The following SLC4A10 variants were observed in gnomAD, a reference collection of about 807,000 sequenced individuals.
SLC4A10 encodes the protein solute carrier family 4 member 10.
In SLC4A10, 42 loss-of-function variants were observed where a neutral mutation model predicts 137.7. That is an observed-to-expected ratio of 0.30 (90% CI 0.24 to 0.39). The LOEUF (loss-of-function observed/expected upper bound fraction) is 0.39. Among genes scored for constraint, SLC4A10 ranks in the 10% least tolerant of loss-of-function variants. The pLI is 1.00. For synonymous variants in SLC4A10, 474 were observed against 464.1 expected, an observed-to-expected ratio of 1.02 and a Z score of -0.27; for missense variants, 925 against 1,355.0, an observed-to-expected ratio of 0.68 and a Z score of 4.98.
At chr2:161,905,058 T>A in intron 14 of SLC4A10, 149 bp downstream of exon 14, 1 of 707,654 alleles carries the variant, frequency 1.4e-6, no homozygotes. Flanking sequence ...ATCATGGGAA[T>A]AGAGGAAAAG....
intron 26 of SLC4A10, among the ~76,000 whole-genome samples, chr2:161,978,397 A>AAAAAG (rs1553652474): frequency 1.9e-4 from 28 of 150,378 alleles, no homozygotes; most frequent in Non-Finnish European, 3.0e-4. Flanking sequence ...AAAAAAAAAA[A>AAAAAG]AAAAGAAAAG....
intron 4 of SLC4A10, among the ~76,000 whole-genome samples, chr2:161,849,737 C>A (rs1015089699): frequency 3.3e-5 from 5 of 152,064 alleles, no homozygotes; most frequent in African/African-American, 1.2e-4. Flanking sequence ...AAACTTGCCT[C>A]CCAGGAATAA....
At position 161,659,066 on chromosome 2, in the gene SLC4A10, GA is replaced by G. The variant is rs201752321; in HGVS notation, c.48+34509del. Among the ~76,000 whole-genome samples, 45 of 149,932 alleles carry G rather than the reference GA, an allele frequency of 3.0e-4. 1 individual carries two copies. In the East Asian group the frequency reaches 6.1e-3, roughly 20 times the overall value. On this transcript the variant is annotated intron_variant, in intron 1 of 26. Transcript: ENST00000446997. Reference sequence around the variant, plus strand: ...CCCACTACTGGGTACATATCCAAAGGAAAAAAAAATCATTATATAAAAAAGG... The same window carrying G: ...CCCACTACTGGGTACATATCCAAAGGAAAAAAAATCATTATATAAAAAAGG...
intron 3 of SLC4A10, among the ~76,000 whole-genome samples, chr2:161,835,607 T>C (rs62187713): frequency 0.067 from 10,239 of 152,174 alleles, 452 homozygotes; most frequent in East Asian, 0.17. Context: ...ATTAGAAAAA[T>C]TGGTGAGAAA....
Position 161,983,174 on chromosome 2 carries a change from T to A in SLC4A10, c.*27-5T>A, listed in dbSNP as rs1700458269. On this transcript the variant is annotated splice_polypyrimidine_tract_variant and splice_region_variant and intron_variant, in intron 26 of 26. Coordinates refer to ENST00000446997, the MANE Select transcript of SLC4A10 (RefSeq NM_001178015.2). Reference sequence around the variant, plus strand: ...AATAAATGTGTCCTTTTTTTCCTTCTGTAGCATTGAAAGCCGAAAAGAGAA... The same window carrying A: ...AATAAATGTGTCCTTTTTTTCCTTCAGTAGCATTGAAAGCCGAAAAGAGAA... The A allele has an allele frequency of 6.5e-7, 1 of 1,536,634 alleles. No individual in the cohort carries two copies. The highest frequency in any genetic ancestry group is 2.0e-5 in the Admixed American group (1 of 50,980).
At chr2:161,756,228 T>G (rs2049629947) in intron 1 of SLC4A10, among the ~76,000 whole-genome samples, 1 of 152,184 alleles carries the variant, frequency 6.6e-6, no homozygotes, top group African/African-American at 2.4e-5. Flanking sequence ...TTTTCCAGTA[T>G]TTAATCTCTA....
chr2:161,960,800 G>T (rs1278894396), intron 21 of SLC4A10, among the ~76,000 whole-genome samples: 3 of 151,986 alleles, frequency 2.0e-5, no homozygotes, highest in East Asian at 3.9e-4. Flanking sequence ...GCCACCTGGA[G>T]CTGGAAGGGG....
chr2:161,627,319 T>C (rs1573959028), intron 1 of SLC4A10, among the ~76,000 whole-genome samples: 1 of 151,622 alleles, frequency 6.6e-6, no homozygotes, highest in Non-Finnish European at 1.5e-5. Context: ...ATAGTGGAGG[T>C]GGGAGGTGGC....
chr2:161,955,716 C>T (rs916779446), intron 19 of SLC4A10, among the ~76,000 whole-genome samples: 3 of 152,104 alleles, frequency 2.0e-5, no homozygotes, highest in African/African-American at 7.2e-5. Context: ...GACAAATATG[C>T]AACAAATACT....
At chr2:161,804,173 G>A (rs1047049087) in intron 2 of SLC4A10, among the ~76,000 whole-genome samples, 1 of 152,054 alleles carries the variant, frequency 6.6e-6, no homozygotes, top group Non-Finnish European at 1.5e-5. Context: ...GTATAATTAA[G>A]CATGGGGAAC....
intron 15 of SLC4A10, among the ~76,000 whole-genome samples, chr2:161,936,085 A>T (rs1691531769): frequency 6.6e-6 from 1 of 152,142 alleles, no homozygotes; most frequent in East Asian, 1.9e-4. Flanking sequence ...AGTGTATCAC[A>T]TTTATAGATT....
chr2:161,767,763 A>G (rs2051077172), intron 1 of SLC4A10, among the ~76,000 whole-genome samples: 1 of 151,998 alleles, frequency 6.6e-6, no homozygotes, highest in African/African-American at 2.4e-5. Context: ...ATGCTTCTCA[A>G]TGTCTCAACT....
intron 3 of SLC4A10, among the ~76,000 whole-genome samples, chr2:161,829,152 C>T (rs1194775184): frequency 6.6e-6 from 1 of 151,950 alleles, no homozygotes. Context: ...GTTTTTACAC[C>T]TCTTTACCCT....
chr2:161,666,595 A>G (rs1165082407), intron 1 of SLC4A10, among the ~76,000 whole-genome samples: 1 of 151,790 alleles, frequency 6.6e-6, no homozygotes, highest in Non-Finnish European at 1.5e-5. Context: ...ACCTCTAGAT[A>G]CATCTGACAC....
intron 1 of SLC4A10, among the ~76,000 whole-genome samples, chr2:161,735,002 G>C (rs2047194677): frequency 6.6e-6 from 1 of 151,606 alleles, no homozygotes; most frequent in Non-Finnish European, 1.5e-5. Flanking sequence ...GATGTGCCTT[G>C]CTTCCCTTTA....
intron 4 of SLC4A10, among the ~76,000 whole-genome samples, chr2:161,851,985 G>T (rs1436683907): frequency 6.6e-6 from 1 of 152,128 alleles, no homozygotes; most frequent in African/African-American, 2.4e-5. Flanking sequence ...GATCTCCTGG[G>T]CTCAAGCAAT....
chr2:161,874,631 G>A (rs1482724279), intron 8 of SLC4A10, among the ~76,000 whole-genome samples: 1 of 152,156 alleles, frequency 6.6e-6, no homozygotes. Context: ...TAATAGGCAA[G>A]TTAAATTTCT....
chr2:161,798,704 C>G (rs754205674), intron 2 of SLC4A10, among the ~76,000 whole-genome samples: 5 of 151,108 alleles, frequency 3.3e-5, no homozygotes, highest in Non-Finnish European at 7.4e-5. Flanking sequence ...ACATATGTGT[C>G]TTTAAGTTAG....
intron 15 of SLC4A10, among the ~76,000 whole-genome samples, chr2:161,909,005 G>C (rs906281548): frequency 6.7e-6 from 1 of 148,164 alleles, no homozygotes; most frequent in Admixed American, 6.8e-5. Context: ...GATCAAAAGA[G>C]GAGTGACATA....
Sources: allele counts gnomAD v4.1 joint callset (sites outside exome capture counted in the v4.1 genomes callset), GRCh38; gene constraint gnomAD v4.1.1; transcripts MANE v1.5; gene names NCBI Gene and HGNC (gene_info 2026-07-23, HGNC 2026-07-21).